The following RBM19 variants were observed in gnomAD, a reference collection of about 807,000 sequenced individuals.
RBM19 encodes the protein probable RNA-binding protein 19.
RBM19 carries 94 observed loss-of-function variants against 116.8 expected under a neutral mutation model. That is an observed-to-expected ratio of 0.80 (90% CI 0.68 to 0.95). RBM19 has a LOEUF of 0.95. Among genes scored for constraint, RBM19 ranks in the 40% least tolerant of loss-of-function variants. RBM19 has a pLI of 0.00. For synonymous variants in RBM19, 475 were observed against 494.1 expected, an observed-to-expected ratio of 0.96 and a Z score of 0.51; for missense variants, 1,161 against 1,220.7, an observed-to-expected ratio of 0.95 and a Z score of 0.73.
chr12:113,953,616 A>C (rs762819659), intron 7 of RBM19, among the ~76,000 whole-genome samples: 3 of 152,252 alleles, frequency 2.0e-5, no homozygotes, highest in Non-Finnish European at 2.9e-5. Context: ...TGAAACATTA[A>C]TAATACCCAG....
intron 22 of RBM19, among the ~76,000 whole-genome samples, chr12:113,846,467 C>T (rs1261560760): frequency 1.3e-5 from 2 of 152,282 alleles, no homozygotes; most frequent in African/African-American, 2.4e-5. Flanking sequence ...CGAGGTCATA[C>T]TGGAGAACAG....
intron 16 of RBM19, among the ~76,000 whole-genome samples, chr12:113,933,317 T>C (rs1433225527): frequency 6.9e-6 from 1 of 144,456 alleles, no homozygotes; most frequent in Non-Finnish European, 1.5e-5. Flanking sequence ...AGTCGGGGAT[T>C]TGGTGAAGCT....
intron 23 of RBM19, among the ~76,000 whole-genome samples, chr12:113,842,096 T>C (rs1876537650): frequency 6.6e-6 from 1 of 152,240 alleles, no homozygotes; most frequent in African/African-American, 2.4e-5. Flanking sequence ...TCATTCTATC[T>C]GCCCCTGTCT....
At position 113,959,419 on chromosome 12, in the gene RBM19, A is replaced by G. The variant is rs1183927403; in HGVS notation, c.379-15T>C. 2 of 1,594,182 alleles carry G rather than the reference A, an allele frequency of 1.3e-6. No homozygotes were observed. The highest frequency in any genetic ancestry group is 2.7e-5 in the African/African-American group (2 of 74,658). On this transcript the variant is annotated splice_polypyrimidine_tract_variant and intron_variant, in intron 4 of 23. Coordinates refer to ENST00000261741, the MANE Select transcript of RBM19 (RefSeq NM_016196.4). ...TCCTCCTTCAGCTGGTGGCACCAGA[A>G]CCCGGGCGGCAGGGACACGGGAAAA...
At chr12:113,959,938 C>G (rs752003381) in intron 3 of RBM19, 35 bp from the exon 4 acceptor site, 1 of 1,614,070 alleles carries the variant, frequency 6.2e-7, no homozygotes, top group Non-Finnish European at 8.5e-7. Flanking sequence ...GAGGGTCACA[C>G]AGATGAAGAG....
chr12:113,900,929 A>T (rs1373522137), intron 21 of RBM19, among the ~76,000 whole-genome samples: 1 of 152,182 alleles, frequency 6.6e-6, no homozygotes, highest in East Asian at 1.9e-4. Flanking sequence ...AGAGATCTTA[A>T]ATAGGGCAGG....
intron 21 of RBM19, among the ~76,000 whole-genome samples, chr12:113,889,343 C>A (rs910784469): frequency 2.0e-5 from 3 of 152,214 alleles, no homozygotes; most frequent in Non-Finnish European, 4.4e-5. Context: ...CCCTTCAGCT[C>A]TCAGGAACCC....
chr12:113,960,626 C>A (rs1872411282), intron 2 of RBM19, among the ~76,000 whole-genome samples: 1 of 152,156 alleles, frequency 6.6e-6, no homozygotes, highest in South Asian at 2.1e-4. Flanking sequence ...AACCTGAGTT[C>A]TTAACCATCC....
intron 7 of RBM19, among the ~76,000 whole-genome samples, chr12:113,952,794 T>C (rs561325110): frequency 1.3e-5 from 2 of 152,304 alleles, no homozygotes; most frequent in African/African-American, 4.8e-5. Context: ...GTAATATAAA[T>C]ATAAAATAGC....
intron 21 of RBM19, among the ~76,000 whole-genome samples, chr12:113,868,341 G>C (rs1352177769): frequency 6.6e-6 from 1 of 152,204 alleles, no homozygotes; most frequent in South Asian, 2.1e-4. Context: ...GGGGAACCCT[G>C]TCTGCTGAAC....
chr12:113,867,209 G>A (rs1430295432), intron 21 of RBM19, among the ~76,000 whole-genome samples: 1 of 152,234 alleles, frequency 6.6e-6, no homozygotes, highest in Non-Finnish European at 1.5e-5. Context: ...TTGCTGCACA[G>A]CATCTACCTC....
intron 21 of RBM19, among the ~76,000 whole-genome samples, chr12:113,891,072 G>T (rs1053435814): frequency 5.9e-5 from 9 of 152,172 alleles, no homozygotes; most frequent in Middle Eastern, 3.4e-3. Flanking sequence ...CAAGGTGTTG[G>T]GATTACAGGC....
At chr12:113,963,049 T>G (rs147787686) in intron 1 of RBM19, among the ~76,000 whole-genome samples, 2 of 152,296 alleles carry the variant, frequency 1.3e-5, no homozygotes, top group East Asian at 3.9e-4. Flanking sequence ...TATATAGCTA[T>G]GAACCAAGGA....
chr12:113,897,161 A>G (rs2135818242), intron 21 of RBM19, among the ~76,000 whole-genome samples: 1 of 152,294 alleles, frequency 6.6e-6, no homozygotes, highest in East Asian at 1.9e-4. Context: ...AGATACTGAC[A>G]GTCAGTGTTT....
chr12:113,817,232 T>G (rs984011197), downstream of RBM19: 1 of 152,244 alleles, frequency 6.6e-6, no homozygotes, highest in African/African-American at 2.4e-5. Context: ...GCTTAAAGCC[T>G]AGGAGACAGA....
chr12:113,842,288 TTGGGGGA>T lies in RBM19; in HGVS notation c.2785+2373_2785+2379del, dbSNP rs1480963460. Among the ~76,000 whole-genome samples, 21 of 152,102 alleles carry T rather than the reference TTGGGGGA, an allele frequency of 1.4e-4. No homozygotes were observed. The East Asian group carries it at 4.1e-3, about 29-fold the overall frequency. ...CTGCACTCCTCGGCTGGCCCCGGGG[TTGGGGGA>T]TGGGGGTGGCGGGGCAGATGGGCCC... On this transcript the variant is annotated intron_variant, in intron 23 of 23. Coordinates refer to ENST00000261741, the MANE Select transcript of RBM19 (RefSeq NM_016196.4).
chr12:113,875,176 G>A (rs1456766737), intron 21 of RBM19, among the ~76,000 whole-genome samples: 4 of 152,242 alleles, frequency 2.6e-5, no homozygotes, highest in African/African-American at 4.8e-5. Context: ...GATTCATGCC[G>A]CAGAGCCTGC....
intron 16 of RBM19, among the ~76,000 whole-genome samples, chr12:113,933,177 G>A (rs564683627): frequency 6.6e-6 from 1 of 151,622 alleles, no homozygotes; most frequent in Admixed American, 6.6e-5. Flanking sequence ...CAGAAAGGAA[G>A]GGGGTAAAAT....
intron 23 of RBM19, among the ~76,000 whole-genome samples, chr12:113,842,305 C>T (rs370980100): frequency 3.3e-5 from 5 of 151,876 alleles, no homozygotes; most frequent in Admixed American, 6.5e-5. Flanking sequence ...ATGGGGGTGG[C>T]GGGGCAGATG....
Sources: allele counts gnomAD v4.1 joint callset (sites outside exome capture counted in the v4.1 genomes callset), GRCh38; gene constraint gnomAD v4.1.1; transcripts MANE v1.5; gene names NCBI Gene and HGNC (gene_info 2026-07-23, HGNC 2026-07-21).